MAU2: variants seen among roughly 807,000 people sequenced by gnomAD.
MAU2 encodes MAU2 sister chromatid cohesion factor, also known as MAU2 chromatid cohesion factor homolog.
MAU2 carries 9 observed loss-of-function variants against 89.1 expected under a neutral mutation model. That is an observed-to-expected ratio of 0.10 (90% confidence interval 0.06 to 0.18). MAU2 has a LOEUF of 0.18. Among genes scored for constraint, MAU2 ranks in the 10% least tolerant of loss-of-function variants. MAU2 has a pLI of 1.00. For missense variants in MAU2, 425 were observed against 803.5 expected, an observed-to-expected ratio of 0.53 and a Z score of 5.69; for synonymous variants, 357 against 343.4, an observed-to-expected ratio of 1.04 and a Z score of -0.44.
intron 5 of MAU2, among the ~76,000 whole-genome samples, chr19:19,339,971 A>C (rs551098101): frequency 5.9e-5 from 9 of 151,858 alleles, no homozygotes; most frequent in South Asian, 2.1e-4. Context: ...GATCAAGACC[A>C]TCCTGTGAAT....
chr19:19,355,929 C>A lies in MAU2; in HGVS notation c.*147C>A. 1 of 810,886 alleles carries A rather than the reference C, an allele frequency of 1.2e-6. No individual in the cohort carries two copies. Among genetic ancestry groups the A allele is most frequent in the Non-Finnish European group, 2.1e-6 (1 of 482,206 alleles). 50.2% of individuals were successfully genotyped at this position (810,886 alleles called of 1,614,324 possible). On this transcript the variant is annotated 3_prime_UTR_variant, in exon 19 of 19. Coordinates refer to ENST00000262815, the MANE Select transcript of MAU2 (RefSeq NM_015329.4). ...TGGGAATGTGCGGGGCCAGTCCCTG[C>A]CCTCCCAGGAGGGGTGGTAGCCGTT...
chr19:19,324,443 ATGTGCTGG>A (rs2061488118), intron 1 of MAU2, among the ~76,000 whole-genome samples: 1 of 152,054 alleles, frequency 6.6e-6, no homozygotes, highest in Admixed American at 6.6e-5. Flanking sequence ...TCTCCAGTGG[ATGTGCTGG>A]TTCTAAAACT....
intron 9 of MAU2, 74 bp downstream of exon 9, chr19:19,342,940 C>T: frequency 6.7e-7 from 1 of 1,497,666 alleles, no homozygotes; most frequent in South Asian, 1.1e-5. Context: ...GCTAGCTGTA[C>T]CAGGGCCCAG....
chr19:19,343,031 G>A lies in MAU2; in HGVS notation c.973+165G>A, dbSNP rs368059549. Among the ~76,000 whole-genome samples the A allele has an allele frequency of 1.8e-4, 28 of 152,282 alleles. 2 individuals are homozygous for A. Among genetic ancestry groups the A allele is most frequent in the East Asian group, 1.7e-3 (9 of 5,188 alleles). On this transcript the variant is annotated intron_variant, in intron 9 of 18. Coordinates refer to ENST00000262815, the MANE Select transcript of MAU2 (RefSeq NM_015329.4). ...TAGTTGATAAATGCTGGTGTCCAAC[G>A]TCAGAGCAGAGCAGACAGGCCTGGG...
intron 1 of MAU2, among the ~76,000 whole-genome samples, chr19:19,324,608 G>A (rs2061489327): frequency 6.6e-6 from 1 of 152,210 alleles, no homozygotes; most frequent in Non-Finnish European, 1.5e-5. Flanking sequence ...CAGTCATGCT[G>A]CAAATTGCTC....
At chr19:19,347,592 A>C (rs574417357) in intron 13 of MAU2, 4 of 511,628 alleles carry the variant, frequency 7.8e-6, no homozygotes, top group Non-Finnish European at 1.4e-5. Flanking sequence ...GCCACAGAAC[A>C]CTTCTCTTTA....
rs370539544 is a variant in MAU2 at position 19,349,304 on chromosome 19, C to T, written c.1437-21C>T. 1.2e-4 allele frequency: 198 copies of T among 1,613,758 alleles called. No individual in the cohort carries two copies. In the African/African-American group the frequency reaches 1.4e-3, roughly 12 times the overall value. ...CCAGGCCCCGTCCTGCAGTTATCAG[C>T]GTCCATGTTCTCCTTGTCAGGCGAT... On this transcript the variant is annotated intron_variant, in intron 15 of 18. Transcript: ENST00000262815.
intron 6 of MAU2, 83 bp downstream of exon 6, chr19:19,340,956 C>T (rs775917871): frequency 6.4e-7 from 1 of 1,567,624 alleles, no homozygotes; most frequent in Non-Finnish European, 8.7e-7. Flanking sequence ...TCAGACCCCA[C>T]CCACTCTCCA....
At chr19:19,354,484 T>C (rs1430654191) in intron 17 of MAU2, 39 bp downstream of exon 17, 10 of 1,566,868 alleles carry the variant, frequency 6.4e-6, no homozygotes, top group Non-Finnish European at 8.8e-6. Context: ...AGCCCCAGCC[T>C]GGCCCTCCCC....
At position 19,354,352 on chromosome 19, in the gene MAU2, C is replaced by T. The variant is rs1290346362; in HGVS notation, c.1549-3C>T. On this transcript the variant is annotated splice_region_variant and splice_polypyrimidine_tract_variant and intron_variant, in intron 16 of 18. Transcript: ENST00000262815. ...ACTCCCCCTTGCTGCTCTTGGTTGACAGGAGAGTAACAACATGGTGGTGCC... is the reference window on the plus strand; with the variant it reads ...ACTCCCCCTTGCTGCTCTTGGTTGATAGGAGAGTAACAACATGGTGGTGCC... 1.2e-6 allele frequency: 2 copies of T among 1,612,978 alleles called. No homozygotes were observed. Among genetic ancestry groups the T allele is most frequent in the Non-Finnish European group, 1.7e-6 (2 of 1,179,166 alleles).
chr19:19,351,351 G>A, intron 16 of MAU2, among the ~76,000 whole-genome samples: 1 of 150,620 alleles, frequency 6.6e-6, no homozygotes. Context: ...TGGCCCTAGA[G>A]ATGCTATCTC....
At chr19:19,347,246 C>T (rs759142325) in intron 12 of MAU2, 34 bp from the exon 13 acceptor site, 1 of 1,481,666 alleles carries the variant, frequency 6.7e-7, no homozygotes, top group East Asian at 2.3e-5. Context: ...CAGCACCCGA[C>T]CCAGCCCCCT....
intron 16 of MAU2, among the ~76,000 whole-genome samples, chr19:19,349,999 T>C (rs76851946): frequency 2.7e-5 from 4 of 149,098 alleles, no homozygotes; most frequent in African/African-American, 7.4e-5. Context: ...TTTTTTTTTT[T>C]AAGAAGATAT....
chr19:19,325,320 C>T (rs1295656942), intron 1 of MAU2, among the ~76,000 whole-genome samples: 2 of 151,910 alleles, frequency 1.3e-5, no homozygotes, highest in African/African-American at 2.4e-5. Context: ...GGATTACAGG[C>T]GCCCACCACC....
At position 19,344,972 on chromosome 19, in the gene MAU2, CAGTA is replaced by C. The variant is rs751724598; in HGVS notation, c.1155+55_1155+58del. On this transcript the variant is annotated intron_variant, in intron 11 of 18. Transcript: ENST00000262815. ...ACCCCGGGAGAATCCAGAATGTTCT[CAGTA>C]AGTAAGTACCTAACCAGATCCAGAA... 2.1e-5 allele frequency: 33 copies of C among 1,561,232 alleles called. No homozygotes were observed. The African/African-American group carries it at 2.2e-4, about 10-fold the overall frequency.
intron 7 of MAU2, among the ~76,000 whole-genome samples, chr19:19,342,152 G>A (rs1295161078): frequency 1.3e-5 from 2 of 152,148 alleles, no homozygotes; most frequent in Non-Finnish European, 2.9e-5. Context: ...GGACCACAGC[G>A]CCTGCCTGAT....
intron 3 of MAU2, 90 bp from the exon 4 acceptor site, chr19:19,337,079 TG>T: frequency 1.1e-6 from 1 of 951,392 alleles, no homozygotes. Context: ...AACTGCCTTC[TG>T]GCACCACAGC....
intron 16 of MAU2, among the ~76,000 whole-genome samples, chr19:19,351,673 C>T (rs747745672): frequency 3.3e-5 from 5 of 150,354 alleles, no homozygotes; most frequent in African/African-American, 7.3e-5. Context: ...CAGTGAGATC[C>T]GTCTCAAAAA....
chr19:19,344,096 A>C, intron 10 of MAU2, 156 bp downstream of exon 10: 1 of 629,218 alleles, frequency 1.6e-6, no homozygotes, highest in Non-Finnish European at 2.8e-6. Context: ...CATGGGCACC[A>C]CTGATCAGAG....
Sources: gnomAD v4.1 joint callset for allele counts (sites outside exome capture counted in the v4.1 genomes callset) on GRCh38, gnomAD v4.1.1 for gene constraint, MANE v1.5 for transcripts, NCBI Gene and HGNC (gene_info 2026-07-23, HGNC 2026-07-21) for gene names.